Variants in ADGRL3 observed in about 807,000 individuals in gnomAD.
ADGRL3 encodes calcium-independent alpha-latrotoxin receptor 3.
A neutral mutation model predicts 153.5 loss-of-function variants in ADGRL3; 62 were observed. That is an observed-to-expected ratio of 0.40 (90% CI 0.33 to 0.50). The LOEUF is 0.50. ADGRL3 is among the 20% of genes least tolerant of loss of function. The pLI, the probability that ADGRL3 is intolerant of heterozygous loss-of-function variation, is 0.47. For synonymous variants in ADGRL3, 710 were observed against 672.5 expected, an observed-to-expected ratio of 1.06 and a Z score of -0.86; for missense variants, 1,641 against 1,859.4, an observed-to-expected ratio of 0.88 and a Z score of 2.16.
chr4:61,289,831 A>G (rs1389889095), intron 1 of ADGRL3, among the ~76,000 whole-genome samples: 1 of 152,112 alleles, frequency 6.6e-6, no homozygotes, highest in African/African-American at 2.4e-5. Context: ...CTCACTACTT[A>G]CAAGCTGTGT....
chr4:61,760,038 T>C (rs1230105616), intron 8 of ADGRL3, among the ~76,000 whole-genome samples: 1 of 152,204 alleles, frequency 6.6e-6, no homozygotes, highest in African/African-American at 2.4e-5. Flanking sequence ...GGAAGTTTTG[T>C]CTCAGAGGAG....
chr4:61,766,632 C>T (rs1194179967), intron 8 of ADGRL3, among the ~76,000 whole-genome samples: 2 of 151,904 alleles, frequency 1.3e-5, no homozygotes. Flanking sequence ...GAAATTTGGG[C>T]TTGATTGAAG....
At chr4:61,230,101 G>A (rs1749936806) in intron 1 of ADGRL3, among the ~76,000 whole-genome samples, 1 of 152,072 alleles carries the variant, frequency 6.6e-6, no homozygotes, top group African/African-American at 2.4e-5. Flanking sequence ...AGCTACAAGG[G>A]TGTCTGGAAA....
At chr4:61,450,424 C>A (rs1442797513) in intron 2 of ADGRL3, among the ~76,000 whole-genome samples, 2 of 152,070 alleles carry the variant, frequency 1.3e-5, no homozygotes, top group African/African-American at 4.8e-5. Flanking sequence ...GATTTAAAAT[C>A]AAAATCTTAC....
At chr4:61,748,300 T>A (rs1200478213) in intron 8 of ADGRL3, among the ~76,000 whole-genome samples, 2 of 152,168 alleles carry the variant, frequency 1.3e-5, no homozygotes, top group Non-Finnish European at 2.9e-5. Flanking sequence ...AATTTATAGA[T>A]TCAATGCTAT....
At chr4:61,562,374 A>T (rs1236888327) in intron 4 of ADGRL3, among the ~76,000 whole-genome samples, 1 of 151,708 alleles carries the variant, frequency 6.6e-6, no homozygotes, top group African/African-American at 2.4e-5. Flanking sequence ...ATATGGATTG[A>T]CTCTCCCTTT....
chr4:61,411,535 T>C (rs576476411), intron 2 of ADGRL3, among the ~76,000 whole-genome samples: 4 of 152,326 alleles, frequency 2.6e-5, no homozygotes, highest in African/African-American at 9.6e-5. Flanking sequence ...TTGCCTAATA[T>C]GTGAATAATC....
At chr4:61,829,491 G>A (rs940487385) in intron 9 of ADGRL3, among the ~76,000 whole-genome samples, 1 of 152,116 alleles carries the variant, frequency 6.6e-6, no homozygotes, top group South Asian at 2.1e-4. Context: ...GTTAATGCCC[G>A]TATCTGTTTA....
intron 2 of ADGRL3, among the ~76,000 whole-genome samples, chr4:61,428,873 A>G (rs1246603369): frequency 8.4e-6 from 1 of 118,578 alleles, no homozygotes; most frequent in Non-Finnish European, 2.0e-5. Context: ...CTATCTATCT[A>G]TATCATCTAT....
At chr4:61,303,002 A>T (rs1181672133) in intron 1 of ADGRL3, among the ~76,000 whole-genome samples, 4 of 152,194 alleles carry the variant, frequency 2.6e-5, no homozygotes, top group Admixed American at 2.6e-4. Context: ...AATGAAATCC[A>T]TTCACAAAAG....
chr4:61,328,864 C>G (rs1295602968), intron 1 of ADGRL3, among the ~76,000 whole-genome samples: 2 of 152,096 alleles, frequency 1.3e-5, no homozygotes, highest in Admixed American at 1.3e-4. Flanking sequence ...TCCATAATCC[C>G]TCAAGCTGAA....
chr4:61,221,712 G>C (rs2149031369), intron 1 of ADGRL3, among the ~76,000 whole-genome samples: 1 of 152,128 alleles, frequency 6.6e-6, no homozygotes, highest in Non-Finnish European at 1.5e-5. Context: ...TATATTAAAA[G>C]AGCTGTTAAA....
chr4:61,288,110 G>T (rs1038011099), intron 1 of ADGRL3, among the ~76,000 whole-genome samples: 1 of 151,890 alleles, frequency 6.6e-6, no homozygotes, highest in Non-Finnish European at 1.5e-5. Context: ...GCCCAGTTCT[G>T]TTGGGAGAGG....
chr4:61,991,572 A>T (rs980683899), intron 19 of ADGRL3, among the ~76,000 whole-genome samples: 4 of 152,054 alleles, frequency 2.6e-5, no homozygotes, highest in African/African-American at 9.7e-5. Context: ...CTAAGATCCA[A>T]AACTGTAGCA....
rs547993494 is a variant in ADGRL3 at position 61,876,741 on chromosome 4, T to A, written c.1481-15915T>A. Among the ~76,000 whole-genome samples, 106 of 149,120 alleles carry A rather than the reference T, an allele frequency of 7.1e-4. 1 individual carries two copies. The highest frequency in any genetic ancestry group is 1.9e-3 in the Admixed American group (28 of 15,066). ...AAAACTTAAAGTATAATAAAAAAAA[T>A]AAAATAAAATAAAATAAAATGGGGA... On this transcript the variant is annotated intron_variant, in intron 9 of 26. Coordinates refer to ENST00000683033, the MANE Select transcript of ADGRL3 (RefSeq NM_001387552.1).
At chr4:61,765,662 G>C (rs570453703) in intron 8 of ADGRL3, among the ~76,000 whole-genome samples, 13 of 152,204 alleles carry the variant, frequency 8.5e-5, no homozygotes, top group East Asian at 3.9e-4. Flanking sequence ...AATGACTGCG[G>C]TGGCCTTCTC....
intron 23 of ADGRL3, among the ~76,000 whole-genome samples, chr4:62,034,734 A>G (rs1171143771): frequency 6.6e-6 from 1 of 151,896 alleles, no homozygotes; most frequent in Non-Finnish European, 1.5e-5. Context: ...GTTTCAACTT[A>G]CTCATAAAAT....
At chr4:61,323,029 C>T (rs190127133) in intron 1 of ADGRL3, among the ~76,000 whole-genome samples, 10 of 152,336 alleles carry the variant, frequency 6.6e-5, no homozygotes, top group East Asian at 5.8e-4. Flanking sequence ...GTGAAATCTA[C>T]GTAGAGCTTC....
intron 21 of ADGRL3, among the ~76,000 whole-genome samples, chr4:62,008,235 G>T (rs1367460368): frequency 6.6e-6 from 1 of 152,088 alleles, no homozygotes; most frequent in Admixed American, 6.6e-5. Context: ...GGTTGTTGTT[G>T]TTGATAATAA....
Sources: allele counts gnomAD v4.1 joint callset (sites outside exome capture counted in the v4.1 genomes callset), GRCh38; gene constraint gnomAD v4.1.1; transcripts MANE v1.5; gene names NCBI Gene and HGNC (gene_info 2026-07-23, HGNC 2026-07-21).